Variants in PISD observed in about 807,000 individuals in gnomAD.
The protein encoded by PISD is phosphatidylserine decarboxylase.
PISD carries 31 observed loss-of-function variants against 43.5 expected under a neutral mutation model. The ratio of observed to expected loss-of-function variants is 0.71; its 90% confidence interval spans 0.54 to 0.96. PISD has a LOEUF of 0.96. PISD is among the 40% of genes least tolerant of loss of function. PISD has a pLI of 0.00. For synonymous variants in PISD, 259 were observed against 228.7 expected (o/e 1.13, Z -1.20); for missense variants, 523 against 548.4 (o/e 0.95, Z 0.46).
intron 3 of PISD, among the ~76,000 whole-genome samples, chr22:31,627,072 T>C (rs2072947038): frequency 6.6e-6 from 1 of 152,230 alleles, no homozygotes; most frequent in African/African-American, 2.4e-5. Flanking sequence ...AGGTGAAGAT[T>C]CCGCCCGGGA....
chr22:31,656,005 TACCACTG>T (rs2074160652), intron 1 of PISD, among the ~76,000 whole-genome samples: 1 of 151,858 alleles, frequency 6.6e-6, no homozygotes. Flanking sequence ...CAATGAAAAC[TACCACTG>T]GCCAGGCTCA....
At chr22:31,620,847 G>T in intron 6 of PISD, 134 bp from the exon 7 acceptor site, 1 of 1,391,620 alleles carries the variant, frequency 7.2e-7, no homozygotes, top group Non-Finnish European at 9.8e-7. Flanking sequence ...GGGCCCCACG[G>T]TCCCCTGCCC....
At chr22:31,656,673 T>TAAAC (rs2074187460) in intron 1 of PISD, among the ~76,000 whole-genome samples, 1 of 151,506 alleles carries the variant, frequency 6.6e-6, no homozygotes, top group African/African-American at 2.4e-5. Context: ...AATAAATAAA[T>TAAAC]AAATAAATAA....
intron 3 of PISD, chr22:31,628,962 C>T (rs2073054715): frequency 1.0e-6 from 1 of 985,192 alleles, no homozygotes; most frequent in South Asian, 4.7e-5. Context: ...GGAACCCAAA[C>T]TTGCGCGGAG....
rs79687287 is a variant in PISD, at chr22:31,641,905, C to T, written c.321+6196G>A. 4.2e-4 allele frequency among the ~76,000 whole-genome samples: 64 copies of T among 151,234 alleles called. 1 individual carries two copies. In the East Asian group the frequency reaches 0.012, roughly 27 times the overall value. On this transcript the variant is annotated intron_variant, in intron 3 of 7. Coordinates refer to ENST00000439502, the MANE Select transcript of PISD (RefSeq NM_001326411.2). ...ATTTAATATTTTCAGACTGCAGGAA[C>T]ATGAAACCTTGGATAAGGGGGAAAC...
chr22:31,625,474 C>CA, intron 3 of PISD: 2 of 549,492 alleles, frequency 3.6e-6, no homozygotes, highest in South Asian at 4.3e-5. Context: ...GGGCTGCGAG[C>CA]AGGGGGCCTG....
intron 1 of PISD, among the ~76,000 whole-genome samples, chr22:31,659,561 T>C (rs893996853): frequency 6.6e-6 from 1 of 151,974 alleles, no homozygotes; most frequent in Non-Finnish European, 1.5e-5. Context: ...ATCTACTGAA[T>C]CTGAAATTGG....
chr22:31,620,964 G>A (rs1373107313), intron 6 of PISD, 32 bp downstream of exon 6: 6 of 1,591,344 alleles, frequency 3.8e-6, no homozygotes, highest in East Asian at 2.2e-5. Context: ...AGCCCACAGA[G>A]GCAGCTCCCC....
At chr22:31,645,658 A>G (rs62239167) in intron 3 of PISD, among the ~76,000 whole-genome samples, 16,655 of 147,550 alleles carry the variant, frequency 0.11, 1,105 homozygotes, top group African/African-American at 0.18. Context: ...GATTATAGAC[A>G]TGAGCCACCG....
intron 3 of PISD, among the ~76,000 whole-genome samples, chr22:31,622,764 G>C (rs896531041): frequency 6.6e-6 from 1 of 152,228 alleles, no homozygotes; most frequent in Non-Finnish European, 1.5e-5. Context: ...GATGGTCCCA[G>C]AGCTCTCCGG....
rs2072536263 is a variant in PISD, at chr22:31,621,075, GAC to G, written c.763_764del (p.Val255HisfsTer47). Reference sequence around the variant, plus strand: ...GGTAGTCCCCAGGGGCCAGGTAGATGACACAGTGATAGAGCTCATTCCCTTCC... The same window carrying G: ...GGTAGTCCCCAGGGGCCAGGTAGATGACAGTGATAGAGCTCATTCCCTTCC... ...TREGNELYHC[V>X]IYLAPGDYHC... is the part of the protein sequence containing the mutation. On this transcript the variant is annotated frameshift_variant, in exon 6 of 8. Transcript: ENST00000439502. LOFTEE classifies it high-confidence loss of function. 1 of 1,614,142 alleles carries G rather than the reference GAC, an allele frequency of 6.2e-7. No individual in the cohort carries two copies. Among genetic ancestry groups the G allele is most frequent in the South Asian group, 1.1e-5 (1 of 91,080 alleles).
chr22:31,619,924 G>T, intron 7 of PISD, 88 bp from the exon 8 acceptor site: 1 of 864,128 alleles, frequency 1.2e-6, no homozygotes, highest in Middle Eastern at 3.1e-4. Context: ...CACTCCCTCT[G>T]TTGCTTGTCC....
chr22:31,649,574 A>G (rs1375368633), intron 2 of PISD, among the ~76,000 whole-genome samples: 1 of 152,056 alleles, frequency 6.6e-6, no homozygotes, highest in African/African-American at 2.4e-5. Context: ...TCTACTAAAA[A>G]TACAAAAAAT....
intron 3 of PISD, chr22:31,623,599 C>G (rs891057125): frequency 3.8e-6 from 5 of 1,326,608 alleles, no homozygotes; most frequent in Non-Finnish European, 5.2e-6. Flanking sequence ...TCTGACAGCT[C>G]GCCACCACCT....
At chr22:31,640,395 C>T (rs12171217) in intron 3 of PISD, among the ~76,000 whole-genome samples, 3,941 of 151,842 alleles carry the variant, frequency 0.026, 151 homozygotes, top group African/African-American at 0.089. Context: ...TGAGGTTTCA[C>T]CACGTTGCGC....
At chr22:31,652,262 C>G (rs1417254510) in intron 1 of PISD, among the ~76,000 whole-genome samples, 1 of 151,800 alleles carries the variant, frequency 6.6e-6, no homozygotes, top group African/African-American at 2.4e-5. Context: ...CTCCTGAGTA[C>G]CTGGAATTAC....
rs765430817 is a variant in PISD, at chr22:31,620,516, G to A, written c.1005+37C>T. ...CAAGGCAGGTAGACCCAAGAGGTCT[G>A]GCCCTTGGGCTTTGGCAGGGCCTAG... On this transcript the variant is annotated intron_variant, in intron 7 of 7. Coordinates refer to ENST00000439502, the MANE Select transcript of PISD (RefSeq NM_001326411.2). The A allele has an allele frequency of 1.6e-5, 26 of 1,606,884 alleles. No homozygotes were observed. In the Admixed American group the frequency reaches 2.8e-4, roughly 18 times the overall value.
At chr22:31,625,930 C>G (rs2072885502) in intron 3 of PISD, 1 of 1,517,606 alleles carries the variant, frequency 6.6e-7, no homozygotes, top group Non-Finnish European at 8.9e-7. Context: ...TCCAGGGCCT[C>G]TGCCTCTGCG....
intron 3 of PISD, among the ~76,000 whole-genome samples, chr22:31,634,563 G>A (rs1002487739): frequency 6.6e-6 from 1 of 152,198 alleles, no homozygotes; most frequent in Non-Finnish European, 1.5e-5. Context: ...TAGGCCAGAC[G>A]TGGTGACTTA....
Sources: allele counts gnomAD v4.1 joint callset (sites outside exome capture counted in the v4.1 genomes callset), GRCh38; gene constraint gnomAD v4.1.1; transcripts MANE v1.5; gene names NCBI Gene and HGNC (gene_info 2026-07-23, HGNC 2026-07-21).